Variants in TACC2 observed in about 807,000 individuals in gnomAD.
TACC2 encodes the protein transforming acidic coiled-coil-containing protein 2.
In TACC2, 137 loss-of-function variants were observed where a neutral mutation model predicts 227.3. The ratio of observed to expected loss-of-function variants is 0.60; its 90% CI spans 0.52 to 0.69. The LOEUF is 0.69. Ranked by LOEUF, TACC2 falls within the 30% of genes least tolerant of loss-of-function variation. The probability of loss-of-function intolerance (pLI) is 0.00; values close to 1 mark genes in which losing one functional copy is unlikely to be tolerated. For synonymous variants in TACC2, 1,523 were observed against 1,487.5 expected, an observed-to-expected ratio of 1.02 and a Z score of -0.55; for missense variants, 3,470 against 3,694.4, an observed-to-expected ratio of 0.94 and a Z score of 1.57.
Position 122,242,467 on chromosome 10 carries a change from C to T in TACC2, c.8392+466C>T, listed in dbSNP as rs533455301. ...GCGTGATTGTCCGCCTCCTTCCTCC[C>T]GTGACCATGGCAGGCCCTGTTCACT... On this transcript the variant is annotated intron_variant, in intron 19 of 22. Transcript: ENST00000369005. Among the ~76,000 whole-genome samples the T allele has an allele frequency of 3.3e-4, 51 of 152,280 alleles. 1 individual carries two copies. The highest frequency in any genetic ancestry group is 2.3e-3 in the South Asian group (11 of 4,824).
intron 2 of TACC2, among the ~76,000 whole-genome samples, chr10:122,039,481 T>G: frequency 6.6e-6 from 1 of 150,728 alleles, no homozygotes. Flanking sequence ...AATTGGAAGG[T>G]GGGGGTGGAG....
At chr10:122,040,966 G>A (rs955535709) in intron 2 of TACC2, among the ~76,000 whole-genome samples, 37 of 152,240 alleles carry the variant, frequency 2.4e-4, no homozygotes, top group African/African-American at 8.4e-4. Flanking sequence ...AGGTCCCCCC[G>A]GGTCGGGTCC....
rs114065921 is a variant in TACC2, at chr10:122,215,587, C to T, written c.7344+136C>T. On this transcript the variant is annotated intron_variant, in intron 10 of 22. Transcript: ENST00000369005. ...TCTTCTTGCATTCTGTGTGGAGGGT[C>T]CCTCGATGTTTGCTTCACATTGTTT... The T allele has an allele frequency of 6.7e-3, 5,024 of 750,818 alleles. 161 individuals are homozygous for T. The African/African-American group carries it at 0.078, about 12-fold the overall frequency. The allele number at this position is 750,818 out of a possible 1,614,324, so 46.5% of individuals were successfully genotyped here.
Position 122,210,857 on chromosome 10 carries a change from C to T in TACC2, c.6432C>T (p.Pro2144=). Residue 2144 remains proline (P), a synonymous_variant, in exon 9 of 23, where the codon CCC becomes CCT. Transcript: ENST00000369005. The surrounding 1 kb of genome is among the most constrained non-coding windows in gnomAD (Gnocchi z 4.6). The part of the protein sequence containing the change: ...SLKKKQTTKK[P]TETPPVKETQ... ...AAAAGAAACAGACCACCAAGAAACC[C>T]ACAGAGACCCCCCCAGTGAAGGAGA... 1 of 1,613,268 alleles carries T rather than the reference C, an allele frequency of 6.2e-7. No individual in the cohort carries two copies. The highest frequency in any genetic ancestry group is 8.5e-7 in the Non-Finnish European group (1 of 1,179,868).
Position 122,084,999 on chromosome 10 carries a change from C to G in TACC2, c.2499C>G (p.Ser833=), listed in dbSNP as rs749414532. The G allele has an allele frequency of 9.9e-6, 16 of 1,614,148 alleles. No homozygotes were observed. The highest frequency in any genetic ancestry group is 1.4e-5 in the Non-Finnish European group (16 of 1,180,022). Residue 833 remains serine (S), a synonymous_variant, in exon 4 of 23, where the codon TCC becomes TCG. Transcript: ENST00000369005. ...CTTCTGAGAAGCATCTCCAGCCATCCCAGGCACAACCAGAGACATCCATCT... is the reference window on the plus strand; with the variant it reads ...CTTCTGAGAAGCATCTCCAGCCATCGCAGGCACAACCAGAGACATCCATCT... ...LLSSEKHLQP[S]QAQPETSIFD...
chr10:122,153,935 C>G (rs2092289791), intron 7 of TACC2, among the ~76,000 whole-genome samples: 1 of 152,186 alleles, frequency 6.6e-6, no homozygotes, highest in Non-Finnish European at 1.5e-5. Context: ...CTTCCTCCCT[C>G]CGGGCCCCCA....
intron 9 of TACC2, among the ~76,000 whole-genome samples, chr10:122,213,733 T>C (rs1206179642): frequency 2.0e-5 from 3 of 152,228 alleles, no homozygotes; most frequent in Admixed American, 6.5e-5. Flanking sequence ...TAGTGGGCGA[T>C]TGCTTTCAAC....
At chr10:122,044,289 C>T (rs2074709912) in intron 2 of TACC2, among the ~76,000 whole-genome samples, 1 of 152,226 alleles carries the variant, frequency 6.6e-6, no homozygotes, top group Non-Finnish European at 1.5e-5. Context: ...TCCTCTGCAA[C>T]CTGTATTCGT....
At chr10:122,218,413 G>A (rs554716131) in intron 11 of TACC2, among the ~76,000 whole-genome samples, 4 of 151,394 alleles carry the variant, frequency 2.6e-5, no homozygotes, top group South Asian at 2.1e-4. Context: ...GATTTTAATC[G>A]TAACTCAAAA....
At chr10:122,015,606 C>T (rs552270864) in intron 1 of TACC2, among the ~76,000 whole-genome samples, 2 of 152,234 alleles carry the variant, frequency 1.3e-5, no homozygotes, top group Non-Finnish European at 2.9e-5. Flanking sequence ...AATCCTAGCA[C>T]TTTGGGAGGT....
intron 2 of TACC2, among the ~76,000 whole-genome samples, chr10:122,033,818 C>T (rs1959241690): frequency 1.3e-5 from 2 of 152,070 alleles, no homozygotes; most frequent in Admixed American, 1.3e-4. Context: ...CCCCTTCACA[C>T]CTGGCCAGGC....
At chr10:122,081,885 G>A (rs900167967) in intron 3 of TACC2, among the ~76,000 whole-genome samples, 2 of 152,164 alleles carry the variant, frequency 1.3e-5, no homozygotes, top group Non-Finnish European at 1.5e-5. Flanking sequence ...TACCAGGAAT[G>A]GCTCTTTATT....
intron 1 of TACC2, among the ~76,000 whole-genome samples, chr10:122,014,564 C>A (rs994100907): frequency 6.6e-6 from 1 of 152,170 alleles, no homozygotes; most frequent in African/African-American, 2.4e-5. Flanking sequence ...CTCTCCACCC[C>A]ATGCTCAGTG....
intron 5 of TACC2, among the ~76,000 whole-genome samples, chr10:122,110,288 T>C (rs1211371467): frequency 6.6e-6 from 1 of 152,204 alleles, no homozygotes; most frequent in Admixed American, 6.5e-5. Flanking sequence ...CAAGCCTGCA[T>C]CTTTCCTCCT....
intron 16 of TACC2, among the ~76,000 whole-genome samples, chr10:122,231,353 C>T (rs2095744185): frequency 6.6e-6 from 1 of 151,222 alleles, no homozygotes; most frequent in Admixed American, 6.6e-5. Context: ...AGACTGTGCT[C>T]TGTGGCTTTG....
At chr10:122,115,999 C>G (rs796982440) in intron 5 of TACC2, among the ~76,000 whole-genome samples, 12 of 152,232 alleles carry the variant, frequency 7.9e-5, no homozygotes, top group African/African-American at 2.9e-4. Context: ...ATTTTGGTGG[C>G]TAGCTGTGTT....
intron 11 of TACC2, among the ~76,000 whole-genome samples, chr10:122,219,313 C>T (rs1319321243): frequency 6.6e-6 from 1 of 151,962 alleles, no homozygotes; most frequent in Non-Finnish European, 1.5e-5. Flanking sequence ...GCTCCTGGCT[C>T]TGCCCGCCTT....
chr10:122,124,288 C>G (rs983143154), intron 5 of TACC2, among the ~76,000 whole-genome samples: 17 of 152,180 alleles, frequency 1.1e-4, no homozygotes, highest in Admixed American at 9.2e-4. Flanking sequence ...CATGAAGCCT[C>G]TGGAACAACT....
chr10:122,204,466 A>G (rs2095035467), intron 8 of TACC2, among the ~76,000 whole-genome samples: 1 of 152,138 alleles, frequency 6.6e-6, no homozygotes, highest in Non-Finnish European at 1.5e-5. Context: ...GCAGGACAAC[A>G]GGTGGGGATG....
Sources: gnomAD v4.1 joint callset for allele counts (sites outside exome capture counted in the v4.1 genomes callset) on GRCh38, gnomAD v4.1.1 for gene constraint, Gnocchi (gnomAD v3.1) non-coding constraint, MANE v1.5 for transcripts, NCBI Gene and HGNC (gene_info 2026-07-23, HGNC 2026-07-21) for gene names.